GALNTL6: variants seen among roughly 807,000 people sequenced by gnomAD.
The protein encoded by GALNTL6 is polypeptide N-acetylgalactosaminyltransferase like 6.
In GALNTL6, 46 loss-of-function variants were observed where a neutral mutation model predicts 73.7. The observed-to-expected ratio is 0.62, with a 90% CI of 0.49 to 0.80. The LOEUF is 0.80. Among genes scored for constraint, GALNTL6 ranks in the 30% least tolerant of loss-of-function variants. GALNTL6 has a pLI of 0.00. For missense variants in GALNTL6, 604 were observed against 755.0 expected, an observed-to-expected ratio of 0.80 and a Z score of 2.34; for synonymous variants, 259 against 263.7, an observed-to-expected ratio of 0.98 and a Z score of 0.17.
chr4:172,931,211 TC>T lies in GALNTL6; in HGVS notation c.1093del (p.His365IlefsTer21). ...TTGATGTTCCATGTTCTAGAGTTGG[TC>T]ATATCTACAGGAAGTACGTTCCATA... ...MFDVPCSRVG[H>X]IYRKYVPYKV... is the part of the protein sequence containing the mutation. On this transcript the variant is annotated frameshift_variant, in exon 9 of 13. Transcript: ENST00000506823. LOFTEE classifies it high-confidence loss of function. The T allele has an allele frequency of 1.2e-6, 2 of 1,612,950 alleles. No homozygotes were observed. The highest frequency in any genetic ancestry group is 1.7e-6 in the Non-Finnish European group (2 of 1,178,898).
chr4:172,526,641 A>C (rs1734964779), intron 5 of GALNTL6, among the ~76,000 whole-genome samples: 1 of 152,130 alleles, frequency 6.6e-6, no homozygotes, highest in South Asian at 2.1e-4. Context: ...ACCAAACTCC[A>C]CACGATCATA....
At chr4:172,436,135 A>G (rs1233725829) in intron 5 of GALNTL6, among the ~76,000 whole-genome samples, 1 of 152,144 alleles carries the variant, frequency 6.6e-6, no homozygotes, top group African/African-American at 2.4e-5. Context: ...ATGTCTCTAC[A>G]GTTAATAATA....
chr4:171,896,676 T>C (rs1578950313), intron 2 of GALNTL6, among the ~76,000 whole-genome samples: 1 of 152,192 alleles, frequency 6.6e-6, no homozygotes, highest in African/African-American at 2.4e-5. Flanking sequence ...CCATTCATTA[T>C]GACTCTGCCC....
intron 5 of GALNTL6, among the ~76,000 whole-genome samples, chr4:172,490,149 C>A (rs1733845576): frequency 6.6e-6 from 1 of 152,034 alleles, no homozygotes; most frequent in African/African-American, 2.4e-5. Context: ...TCCATGGTTT[C>A]CCACTGAGAG....
intron 5 of GALNTL6, among the ~76,000 whole-genome samples, chr4:172,403,332 G>A (rs1410611223): frequency 2.0e-5 from 3 of 151,996 alleles, no homozygotes. Flanking sequence ...ATTCATAGTT[G>A]TTCCCTTTGA....
chr4:172,596,403 C>T (rs1737855534), intron 5 of GALNTL6, among the ~76,000 whole-genome samples: 1 of 151,000 alleles, frequency 6.6e-6, no homozygotes, highest in South Asian at 2.1e-4. Context: ...TGTGATCATA[C>T]CACCACGCTC....
intron 4 of GALNTL6, among the ~76,000 whole-genome samples, chr4:172,328,697 A>T (rs1204819997): frequency 6.6e-6 from 1 of 152,102 alleles, no homozygotes; most frequent in Non-Finnish European, 1.5e-5. Context: ...AATACTGGCT[A>T]TTGCATTGAG....
chr4:172,388,852 A>G (rs1415510340), intron 5 of GALNTL6, among the ~76,000 whole-genome samples: 2 of 152,092 alleles, frequency 1.3e-5, no homozygotes, highest in Non-Finnish European at 2.9e-5. Flanking sequence ...TACTTACATG[A>G]CATCCTCCCA....
At chr4:171,847,318 T>C (rs893584460) in intron 2 of GALNTL6, among the ~76,000 whole-genome samples, 15 of 152,204 alleles carry the variant, frequency 9.9e-5, no homozygotes, top group African/African-American at 3.6e-4. Flanking sequence ...AAACACAATA[T>C]ACACACCTTA....
At chr4:171,956,550 A>G (rs940937485) in intron 2 of GALNTL6, among the ~76,000 whole-genome samples, 3 of 152,036 alleles carry the variant, frequency 2.0e-5, no homozygotes, top group Admixed American at 1.3e-4. Context: ...GGCTTTTTAA[A>G]TTTTCATTTT....
intron 2 of GALNTL6, among the ~76,000 whole-genome samples, chr4:172,154,556 A>G (rs1370906002): frequency 6.6e-6 from 1 of 152,076 alleles, no homozygotes; most frequent in Non-Finnish European, 1.5e-5. Flanking sequence ...TATTTTTTAT[A>G]CTATCTTTTG....
chr4:172,905,757 A>G (rs770200650), intron 8 of GALNTL6, among the ~76,000 whole-genome samples: 4 of 148,058 alleles, frequency 2.7e-5, no homozygotes, highest in Non-Finnish European at 6.0e-5. Context: ...TTATATAATT[A>G]CAATATATTT....
chr4:171,850,484 T>G (rs2110859687), intron 2 of GALNTL6, among the ~76,000 whole-genome samples: 1 of 152,292 alleles, frequency 6.6e-6, no homozygotes, highest in East Asian at 1.9e-4. Context: ...TGTAAATTGT[T>G]TTAATATTGC....
chr4:172,171,919 T>C (rs1424251861), intron 2 of GALNTL6, among the ~76,000 whole-genome samples: 1 of 152,198 alleles, frequency 6.6e-6, no homozygotes, highest in African/African-American at 2.4e-5. Context: ...GCCATCCATG[T>C]AGCCCAGCTC....
chr4:171,972,704 A>C (rs1480291862), intron 2 of GALNTL6, among the ~76,000 whole-genome samples: 1 of 152,136 alleles, frequency 6.6e-6, no homozygotes, highest in Non-Finnish European at 1.5e-5. Context: ...TTATAGAATT[A>C]ACTTTTTATA....
chr4:171,893,255 CCTT>C (rs1271906310), intron 2 of GALNTL6, among the ~76,000 whole-genome samples: 9 of 152,184 alleles, frequency 5.9e-5, no homozygotes, highest in Non-Finnish European at 1.2e-4. Context: ...GATATGAACT[CCTT>C]CTGACTTATA....
At chr4:171,814,983 G>C (rs767086860) in intron 2 of GALNTL6, 4 of 535,508 alleles carry the variant, frequency 7.5e-6, no homozygotes, top group Non-Finnish European at 1.3e-5. Context: ...ATTGGTCTTA[G>C]GTTGATTTTG....
chr4:172,496,263 G>C (rs1355398647), intron 5 of GALNTL6, among the ~76,000 whole-genome samples: 1 of 152,026 alleles, frequency 6.6e-6, no homozygotes, highest in Non-Finnish European at 1.5e-5. Flanking sequence ...TTTTGCAAAA[G>C]GTCCATAGAA....
chr4:172,204,902 A>G (rs1736058941), intron 2 of GALNTL6, among the ~76,000 whole-genome samples: 1 of 152,206 alleles, frequency 6.6e-6, no homozygotes, highest in South Asian at 2.1e-4. Flanking sequence ...AGCTGTATCA[A>G]CTGTAATGTG....
Sources: gnomAD v4.1 joint callset for allele counts (sites outside exome capture counted in the v4.1 genomes callset) on GRCh38, gnomAD v4.1.1 for gene constraint, MANE v1.5 for transcripts, NCBI Gene and HGNC (gene_info 2026-07-23, HGNC 2026-07-21) for gene names.